Variants in KCNQ2 observed in about 807,000 individuals in gnomAD.
The protein encoded by KCNQ2 is potassium voltage-gated channel subfamily Q member 2, also known as potassium voltage-gated channel subfamily KQT member 2.
In KCNQ2, 14 loss-of-function variants were observed where a neutral mutation model predicts 84.8. The observed-to-expected ratio is 0.17, with a 90% confidence interval of 0.11 to 0.26. KCNQ2 has a LOEUF of 0.26. Ranked by LOEUF, KCNQ2 falls within the 10% of genes least tolerant of loss-of-function variation. The probability of loss-of-function intolerance (pLI) is 1.00; values close to 1 mark genes in which losing one functional copy is unlikely to be tolerated. For synonymous variants in KCNQ2, 599 were observed against 554.1 expected, an observed-to-expected ratio of 1.08 and a Z score of -1.14; for missense variants, 788 against 1,254.0, an observed-to-expected ratio of 0.63 and a Z score of 5.61.
chr20:63,400,759 A>G lies in KCNQ2; in HGVS notation c.*5885T>C. On this transcript the variant is annotated 3_prime_UTR_variant, in exon 17 of 17. Transcript: ENST00000359125. This position sits in a 1 kb window ranked among gnomAD's most constrained non-coding sequence, Gnocchi z 8.7. ...GATCCCGGGCAGAGGGATGGCGTCCAGCGGGACCACCAGCTCTGGGCGCCT... is the reference window on the plus strand; with the variant it reads ...GATCCCGGGCAGAGGGATGGCGTCCGGCGGGACCACCAGCTCTGGGCGCCT... 1 of 398,452 alleles carries G rather than the reference A, an allele frequency of 2.5e-6. No individual in the cohort carries two copies. Among genetic ancestry groups the G allele is most frequent in the Non-Finnish European group, 4.4e-6 (1 of 225,976 alleles). 24.7% of individuals were successfully genotyped at this position (398,452 alleles called of 1,614,324 possible).
At chr20:63,433,997 C>T in intron 7 of KCNQ2, 94 bp from the exon 8 acceptor site, 1 of 1,091,992 alleles carries the variant, frequency 9.2e-7, no homozygotes, top group East Asian at 2.4e-5. Flanking sequence ...CAGAGGGGAC[C>T]CCCATGCTGT....
rs529829924 is a variant in KCNQ2, at chr20:63,406,439, C to T, written c.*205G>A. On this transcript the variant is annotated 3_prime_UTR_variant, in exon 17 of 17. Coordinates refer to ENST00000359125, the MANE Select transcript of KCNQ2 (RefSeq NM_172107.4). ...TGGAGCCACAGGGCCCTGCCCAGCC[C>T]TCCAGCCCCTGTTGGAAAATAACTT... 8.9e-5 allele frequency: 59 copies of T among 663,168 alleles called. No homozygotes were observed. Among genetic ancestry groups the T allele is most frequent in the African/African-American group, 8.2e-4 (45 of 55,026 alleles). 41.1% of individuals were successfully genotyped at this position (663,168 alleles called of 1,614,324 possible).
Position 63,423,985 on chromosome 20 carries a change from G to C in KCNQ2, c.1247+192C>G, listed in dbSNP as rs533643167. 10 of 646,892 alleles carry C rather than the reference G, an allele frequency of 1.5e-5. No individual in the cohort carries two copies. In the Admixed American group the frequency reaches 2.5e-4, roughly 16 times the overall value. The allele number at this position is 646,892 out of a possible 1,614,324, so 40.1% of individuals were successfully genotyped here. A position where few individuals can be genotyped will look rare whatever the true frequency, so the allele number is the denominator to read the frequency against. ...AAGTAAAACCGAATCACTGGGGAGG[G>C]GGTGAGCAGGAAGAGTGATTTAAGG... On this transcript the variant is annotated intron_variant, in intron 11 of 16. Coordinates refer to ENST00000359125, the MANE Select transcript of KCNQ2 (RefSeq NM_172107.4).
At chr20:63,450,313 C>T (rs1186032799) in intron 1 of KCNQ2, among the ~76,000 whole-genome samples, 3 of 151,148 alleles carry the variant, frequency 2.0e-5, no homozygotes, top group Non-Finnish European at 4.4e-5. Flanking sequence ...CGCAGAGGCC[C>T]AGCAAGGCCA....
At chr20:63,443,698 G>A (rs1020448352) in intron 4 of KCNQ2, 1 of 152,232 alleles carries the variant, frequency 6.6e-6, no homozygotes, top group Non-Finnish European at 1.5e-5. Flanking sequence ...ATAGGGGCTG[G>A]ATGGACCCGT....
At chr20:63,456,973 C>T (rs908854322) in intron 1 of KCNQ2, among the ~76,000 whole-genome samples, 19 of 152,318 alleles carry the variant, frequency 1.2e-4, no homozygotes, top group Admixed American at 3.3e-4. Context: ...CTCGAGCCTC[C>T]CTGGGGGCCC....
At chr20:63,424,018 TCACCGCCAGGC>T in intron 11 of KCNQ2, 148 bp downstream of exon 11, 1 of 730,898 alleles carries the variant, frequency 1.4e-6, no homozygotes, top group African/African-American at 1.8e-5. Flanking sequence ...AGGGCCCACA[TCACCGCCAGGC>T]GGGGGTCTGG....
intron 12 of KCNQ2, among the ~76,000 whole-genome samples, chr20:63,417,630 G>A (rs898408557): frequency 1.3e-5 from 2 of 152,374 alleles, no homozygotes; most frequent in East Asian, 1.9e-4. Context: ...GGAGGGGAAC[G>A]GGTCAAATAC....
Position 63,413,411 on chromosome 20 carries a change from G to A in KCNQ2, c.1763+39C>T, listed in dbSNP as rs370606218. The A allele has an allele frequency of 2.1e-5, 34 of 1,611,970 alleles. No homozygotes were observed. The Middle Eastern group carries it at 6.6e-4, about 31-fold the overall frequency. On this transcript the variant is annotated intron_variant, in intron 15 of 16. Coordinates refer to ENST00000359125, the MANE Select transcript of KCNQ2 (RefSeq NM_172107.4). ...GGGCTTTGTCCCAGAAGCCCACCCC[G>A]TTCTTGTCCCCTGCTGGACAGGCAG...
chr20:63,413,671 C>T (rs2080196122), intron 14 of KCNQ2, 90 bp from the exon 15 acceptor site: 13 of 1,484,056 alleles, frequency 8.8e-6, no homozygotes, highest in African/African-American at 2.8e-5. Context: ...GAGACCTCGG[C>T]GCCTGGAGAT....
intron 10 of KCNQ2, 80 bp downstream of exon 10, chr20:63,428,287 T>C: frequency 9.4e-7 from 1 of 1,066,382 alleles, no homozygotes; most frequent in Non-Finnish European, 1.4e-6. Flanking sequence ...GGCACTGTCC[T>C]GGCGTGTCTT....
At position 63,438,526 on chromosome 20, in the gene KCNQ2, A is replaced by T; in HGVS notation, c.1023+99T>A. ...AGAGGGTGAGCGCTGTGGCCCATCC[A>T]CAGACAGGGCAATGCCAAAGCCCCA... On this transcript the variant is annotated intron_variant, in intron 7 of 16. Transcript: ENST00000359125. The surrounding 1 kb of genome is among the most constrained non-coding windows in gnomAD (Gnocchi z 5.1). 1 of 984,328 alleles carries T rather than the reference A, an allele frequency of 1.0e-6. No individual in the cohort carries two copies. The allele number at this position is 984,328 out of a possible 1,614,324, so 61.0% of individuals were successfully genotyped here.
chr20:63,453,530 G>A (rs1048623170), intron 1 of KCNQ2: 23 of 152,336 alleles, frequency 1.5e-4, no homozygotes, highest in Admixed American at 1.5e-3. Flanking sequence ...TCTCAGCGGG[G>A]TAGGAGCAGG....
intron 1 of KCNQ2, among the ~76,000 whole-genome samples, chr20:63,463,055 C>CTG (rs10532345): frequency 0.068 from 10,017 of 147,934 alleles, 351 homozygotes; most frequent in African/African-American, 0.08. Context: ...GGTGTCTTTT[C>CTG]TGTGTGTGTG....
chr20:63,412,559 C>T (rs2080152289), intron 15 of KCNQ2, among the ~76,000 whole-genome samples: 1 of 152,204 alleles, frequency 6.6e-6, no homozygotes, highest in Non-Finnish European at 1.5e-5. Flanking sequence ...TTCCCTGGCC[C>T]CCTGAAGCAG....
Position 63,401,899 on chromosome 20 carries a change from T to C in KCNQ2, c.*4745A>G. 1 of 140,412 alleles carries C rather than the reference T, an allele frequency of 7.1e-6. No homozygotes were observed. The highest frequency in any genetic ancestry group is 1.4e-5 in the Non-Finnish European group (1 of 70,100). 8.7% of individuals were successfully genotyped at this position (140,412 alleles called of 1,614,324 possible). A position where few individuals can be genotyped will look rare whatever the true frequency, so the allele number is the denominator to read the frequency against. ...CCTCTCACACGTCTGCCGGGCACCCTCCACCAGGTCCAAGCCTCGTGAGCC... is the reference window on the plus strand; with the variant it reads ...CCTCTCACACGTCTGCCGGGCACCCCCCACCAGGTCCAAGCCTCGTGAGCC... On this transcript the variant is annotated 3_prime_UTR_variant, in exon 17 of 17. Transcript: ENST00000359125.
chr20:63,422,938 C>T (rs540230600), intron 11 of KCNQ2, among the ~76,000 whole-genome samples: 1 of 152,258 alleles, frequency 6.6e-6, no homozygotes, highest in East Asian at 1.9e-4. Context: ...GAGGTTCCGC[C>T]CAAATCACAG....
rs60911653 is a variant in KCNQ2, at chr20:63,456,125, G to A, written c.297-9288C>T. On this transcript the variant is annotated intron_variant, in intron 1 of 16. Coordinates refer to ENST00000359125, the MANE Select transcript of KCNQ2 (RefSeq NM_172107.4). The stretch of plus-strand genomic sequence containing the variant: ...GCCCACGGGCCCCCCACCTCCGGGA[G>A]GCCCCTCTGCCCACAGGCCCCCCAC... Among the ~76,000 whole-genome samples, 157 of 129,974 alleles carry A rather than the reference G, an allele frequency of 1.2e-3. 4 individuals are homozygous for A. The highest frequency in any genetic ancestry group is 4.7e-3 in the African/African-American group (153 of 32,444). The allele number at this position is 129,974 out of a possible 152,430, so 85.3% of individuals were successfully genotyped here. A position where few individuals can be genotyped will look rare whatever the true frequency, so the allele number is the denominator to read the frequency against.
chr20:63,433,449 G>C lies in KCNQ2; in HGVS notation c.1118+360C>G, dbSNP rs1417307346. 1.3e-5 allele frequency: 6 copies of C among 479,906 alleles called. No homozygotes were observed. The East Asian group carries it at 2.3e-4, about 18-fold the overall frequency. The allele number at this position is 479,906 out of a possible 1,614,324, so 29.7% of individuals were successfully genotyped here. ...TCCACTCTTGAAGCTTGGGCACCTC[G>C]AGCTGCCGGTCCAGAGCAGCCCGGG... On this transcript the variant is annotated intron_variant, in intron 8 of 16. Transcript: ENST00000359125.
Sources: gnomAD v4.1 joint callset for allele counts (sites outside exome capture counted in the v4.1 genomes callset) on GRCh38, gnomAD v4.1.1 for gene constraint, Gnocchi (gnomAD v3.1) non-coding constraint, MANE v1.5 for transcripts, NCBI Gene and HGNC (gene_info 2026-07-23, HGNC 2026-07-21) for gene names.